The following NUP85 variants were observed in gnomAD, a reference collection of about 807,000 sequenced individuals.
The protein encoded by NUP85 is nuclear pore complex protein Nup85.
A neutral mutation model predicts 92.8 loss-of-function variants in NUP85; 23 were observed. The observed-to-expected ratio is 0.25, with a 90% CI of 0.18 to 0.35. The LOEUF (loss-of-function observed/expected upper bound fraction) is 0.35. Among genes scored for constraint, NUP85 ranks in the 10% least tolerant of loss-of-function variants. NUP85 has a pLI of 1.00. For missense variants in NUP85, 759 were observed against 822.8 expected, an observed-to-expected ratio of 0.92 and a Z score of 0.95; for synonymous variants, 314 against 306.9, an observed-to-expected ratio of 1.02 and a Z score of -0.24.
intron 3 of NUP85, among the ~76,000 whole-genome samples, chr17:75,211,002 T>TG (rs1555660101): frequency 1.6e-5 from 1 of 62,780 alleles, no homozygotes; most frequent in Admixed American, 2.0e-4. Flanking sequence ...TGCCTGGCCC[T>TG]GTTTTTTTTT....
At chr17:75,224,105 G>A (rs979883024) in intron 7 of NUP85, among the ~76,000 whole-genome samples, 31 of 152,200 alleles carry the variant, frequency 2.0e-4, no homozygotes, top group Non-Finnish European at 1.9e-4. Context: ...GAGTGCAGTG[G>A]CACAATCTCA....
intron 3 of NUP85, 123 bp from the exon 4 acceptor site, chr17:75,211,869 G>A: frequency 4.2e-6 from 3 of 718,124 alleles, no homozygotes; most frequent in South Asian, 3.4e-5. Flanking sequence ...AAGGTTAGGA[G>A]CTCCTTCACA....
intron 10 of NUP85, 63 bp from the exon 11 acceptor site, chr17:75,225,988 C>T: frequency 6.2e-7 from 1 of 1,605,878 alleles, no homozygotes; most frequent in South Asian, 1.1e-5. Flanking sequence ...TATACAGCAG[C>T]CCTGCCTGCC....
chr17:75,206,148 G>A (rs1568061854), intron 1 of NUP85, among the ~76,000 whole-genome samples: 1 of 152,116 alleles, frequency 6.6e-6, no homozygotes, highest in Non-Finnish European at 1.5e-5. Context: ...ATTAAGCTCT[G>A]CATCGCGGCA....
At chr17:75,219,937 T>C (rs1598292012) in intron 7 of NUP85, among the ~76,000 whole-genome samples, 1 of 150,986 alleles carries the variant, frequency 6.6e-6, no homozygotes, top group South Asian at 2.1e-4. Flanking sequence ...TATGTAGGGG[T>C]AGGTGGGAGG....
rs1158344222 is a variant in NUP85, at chr17:75,210,005, G to C, written c.290+20G>C. On this transcript the variant is annotated intron_variant, in intron 3 of 18. Coordinates refer to ENST00000245544, the MANE Select transcript of NUP85 (RefSeq NM_024844.5). ...ATCTCAGTAAGTTGGTTGCTGTTTGGTGTTGAAGCCCACACTACACTGTGG... is the reference window on the plus strand; with the variant it reads ...ATCTCAGTAAGTTGGTTGCTGTTTGCTGTTGAAGCCCACACTACACTGTGG... The C allele has an allele frequency of 9.4e-6, 15 of 1,587,826 alleles. No individual in the cohort carries two copies. The highest frequency in any genetic ancestry group is 1.3e-5 in the Non-Finnish European group (15 of 1,173,920).
intron 9 of NUP85, 99 bp downstream of exon 9, chr17:75,225,563 C>T (rs1277461109): frequency 1.3e-6 from 2 of 1,570,716 alleles, no homozygotes; most frequent in Non-Finnish European, 1.7e-6. Context: ...TTGGATAGGG[C>T]TGTCTGTCGC....
chr17:75,226,213 C>T, intron 11 of NUP85, 56 bp downstream of exon 11: 5 of 1,453,344 alleles, frequency 3.4e-6, no homozygotes, highest in Admixed American at 1.7e-5. Context: ...AATATCACCA[C>T]CTTGCGTTTC....
chr17:75,230,044 A>AAT (rs1555666817), intron 11 of NUP85, among the ~76,000 whole-genome samples: 3 of 140,412 alleles, frequency 2.1e-5, no homozygotes, highest in Admixed American at 7.3e-5. Context: ...GGTGTACAAA[A>AAT]TTTTTTTTTT....
chr17:75,233,140 G>A lies in NUP85; in HGVS notation c.1597G>A (p.Asp533Asn). 1 of 1,614,068 alleles carries A rather than the reference G, an allele frequency of 6.2e-7. No homozygotes were observed. The highest frequency in any genetic ancestry group is 8.5e-7 in the Non-Finnish European group (1 of 1,179,980). Reference sequence around the variant, plus strand: ...CCTGGGGCCAGCCATGATGCTCAGTGACCGACTGACATTCCTGGGTGAGTC... The same window carrying A: ...CCTGGGGCCAGCCATGATGCTCAGTAACCGACTGACATTCCTGGGTGAGTC... Reference protein sequence around the residue: ...DNLGPAMMLSDRLTFLGKYRE... With the variant: ...DNLGPAMMLSNRLTFLGKYRE... The change falls in exon 16 of 19, where the codon GAC becomes AAC. Residue 533 changes from aspartate to asparagine, a missense_variant. Physicochemically the swap from Asp to Asn is conservative, Grantham distance 23. Transcript: ENST00000245544.
chr17:75,226,475 C>G (rs187473462), intron 11 of NUP85, among the ~76,000 whole-genome samples: 19 of 152,214 alleles, frequency 1.2e-4, no homozygotes, highest in African/African-American at 4.1e-4. Flanking sequence ...GGACAAACTC[C>G]CTTCATCAAG....
At chr17:75,223,042 A>AC (rs2075644991) in intron 7 of NUP85, among the ~76,000 whole-genome samples, 1 of 104,250 alleles carries the variant, frequency 9.6e-6, no homozygotes, top group Non-Finnish European at 2.4e-5. Flanking sequence ...CAAAAAAAAA[A>AC]AAAAAAAAAA....
At chr17:75,211,003 G>GT (rs11403555) in intron 3 of NUP85, among the ~76,000 whole-genome samples, 97,711 of 111,664 alleles carry the variant, frequency 0.88, 43,785 homozygotes, top group Non-Finnish European at 0.94. Flanking sequence ...GCCTGGCCCT[G>GT]TTTTTTTTTT....
At chr17:75,228,781 CCT>C (rs2075925536) in intron 11 of NUP85, 2 of 985,254 alleles carry the variant, frequency 2.0e-6, no homozygotes, top group South Asian at 4.7e-5. Flanking sequence ...TAAGTGGGCC[CCT>C]GATTTACTCC....
chr17:75,223,180 A>G (rs1314469379), intron 7 of NUP85, among the ~76,000 whole-genome samples: 1 of 152,168 alleles, frequency 6.6e-6, no homozygotes, highest in Non-Finnish European at 1.5e-5. Flanking sequence ...AAAATGTACA[A>G]AAATGAAAAA....
At chr17:75,223,079 C>T (rs899669829) in intron 7 of NUP85, among the ~76,000 whole-genome samples, 4 of 150,014 alleles carry the variant, frequency 2.7e-5, no homozygotes, top group African/African-American at 7.4e-5. Context: ...CACTATAATT[C>T]GTGTCTGAAT....
chr17:75,212,990 C>T, intron 4 of NUP85, 86 bp from the exon 5 acceptor site: 1 of 1,245,978 alleles, frequency 8.0e-7, no homozygotes, highest in Non-Finnish European at 1.1e-6. Flanking sequence ...TAAACAGAGG[C>T]TCAAGCCATA....
Position 75,233,369 on chromosome 17 carries a change from TTCTTTCTTTCTC to T in NUP85, c.1615+225_1615+236del, listed in dbSNP as rs1039143002. ...TGTTTGTTTGTTTGTTTGTTTGTTT[TTCTTTCTTTCTC>T]TCTTTCTTTCTCTTTCTCTTTCTCT... On this transcript the variant is annotated intron_variant, in intron 16 of 18. Coordinates refer to ENST00000245544, the MANE Select transcript of NUP85 (RefSeq NM_024844.5). Among the ~76,000 whole-genome samples the T allele has an allele frequency of 8.4e-4, 106 of 125,506 alleles. 1 individual carries two copies. The South Asian group carries it at 0.017, about 21-fold the overall frequency. The allele number at this position is 125,506 out of a possible 152,430, so 82.3% of individuals were successfully genotyped here.
chr17:75,233,040 C>G lies in NUP85; in HGVS notation c.1515-18C>G. The G allele has an allele frequency of 6.2e-7, 1 of 1,614,002 alleles. No homozygotes were observed. The highest frequency in any genetic ancestry group is 8.5e-7 in the Non-Finnish European group (1 of 1,179,860). On this transcript the variant is annotated intron_variant, in intron 15 of 18. Coordinates refer to ENST00000245544, the MANE Select transcript of NUP85 (RefSeq NM_024844.5). ...GGGCCTGAGACTGCTGCTCTGATCT[C>G]TGGGCCGGGCCCTGCAGGTTCCTCA...
Sources: gnomAD v4.1 joint callset for allele counts (sites outside exome capture counted in the v4.1 genomes callset) on GRCh38, gnomAD v4.1.1 for gene constraint, MANE v1.5 for transcripts, NCBI Gene and HGNC (gene_info 2026-07-23, HGNC 2026-07-21) for gene names.